The following ST8SIA6 variants were observed in gnomAD, a reference collection of about 807,000 sequenced individuals.
ST8SIA6 encodes the protein alpha-2,8-sialyltransferase 8F.
In ST8SIA6, 39 loss-of-function variants were observed where a neutral mutation model predicts 33.6. The ratio of observed to expected loss-of-function variants is 1.16; its 90% CI spans 0.90 to 1.52. ST8SIA6 has a LOEUF of 1.52. Ranked by LOEUF, ST8SIA6 falls within the 40% of genes most tolerant of loss-of-function variation. The probability of loss-of-function intolerance (pLI) is 0.00; values close to 1 mark genes in which losing one functional copy is unlikely to be tolerated. For synonymous variants in ST8SIA6, 172 were observed against 167.2 expected (o/e 1.03, Z -0.22); for missense variants, 441 against 443.8 (o/e 0.99, Z 0.06).
chr10:17,435,843 ATG>A (rs1852237880), intron 2 of ST8SIA6, among the ~76,000 whole-genome samples: 1 of 152,154 alleles, frequency 6.6e-6, no homozygotes, highest in Non-Finnish European at 1.5e-5. Context: ...TTAAAAGTTG[ATG>A]CACTTCAAAA....
intron 2 of ST8SIA6, among the ~76,000 whole-genome samples, chr10:17,417,561 A>T (rs1034880796): frequency 2.6e-5 from 4 of 151,640 alleles, no homozygotes; most frequent in Non-Finnish European, 4.4e-5. Flanking sequence ...TAGCACAGTG[A>T]GCTCCAGGAG....
chr10:17,452,099 T>C (rs752299531), intron 2 of ST8SIA6, among the ~76,000 whole-genome samples: 22 of 152,228 alleles, frequency 1.4e-4, no homozygotes, highest in Non-Finnish European at 2.9e-4. Flanking sequence ...AAAGATGGAA[T>C]GCTTCTCAGC....
chr10:17,394,906 C>T (rs77356020), intron 2 of ST8SIA6, among the ~76,000 whole-genome samples: 2 of 152,124 alleles, frequency 1.3e-5, no homozygotes, highest in African/African-American at 4.8e-5. Context: ...GGAACAACAT[C>T]GTGGCACAAG....
At chr10:17,435,508 A>G (rs4748376) in intron 2 of ST8SIA6, among the ~76,000 whole-genome samples, 54,371 of 152,036 alleles carry the variant, frequency 0.36, 12,958 homozygotes, top group African/African-American at 0.68. Flanking sequence ...ACATAATAAC[A>G]TTGTGGTGAG....
At chr10:17,453,809 G>A in intron 1 of ST8SIA6, 152 bp from the exon 2 acceptor site, 1 of 527,960 alleles carries the variant, frequency 1.9e-6, no homozygotes, top group Non-Finnish European at 2.9e-6. Flanking sequence ...AGAGCCTTAG[G>A]GCGGGAAGGA....
At chr10:17,422,300 T>G (rs1851804434) in intron 2 of ST8SIA6, among the ~76,000 whole-genome samples, 1 of 152,166 alleles carries the variant, frequency 6.6e-6, no homozygotes, top group African/African-American at 2.4e-5. Flanking sequence ...AAATAATGAA[T>G]TTATTCCCTG....
chr10:17,433,383 T>A (rs932259118), intron 2 of ST8SIA6, among the ~76,000 whole-genome samples: 1 of 152,204 alleles, frequency 6.6e-6, no homozygotes, highest in African/African-American at 2.4e-5. Context: ...AGATGTAAGA[T>A]AGAGCTTTAA....
chr10:17,329,203 T>C (rs1006284846), intron 5 of ST8SIA6, among the ~76,000 whole-genome samples: 3 of 152,212 alleles, frequency 2.0e-5, no homozygotes, highest in African/African-American at 7.2e-5. Context: ...AGAGGCACTA[T>C]TTCAAGTACA....
intron 3 of ST8SIA6, among the ~76,000 whole-genome samples, chr10:17,376,771 G>A (rs894192241): frequency 1.3e-5 from 2 of 152,036 alleles, no homozygotes; most frequent in Non-Finnish European, 2.9e-5. Context: ...TATTTTATCT[G>A]GGAGATAACC....
At chr10:17,413,059 C>G (rs1288202417) in intron 2 of ST8SIA6, among the ~76,000 whole-genome samples, 5 of 152,108 alleles carry the variant, frequency 3.3e-5, no homozygotes, top group African/African-American at 1.2e-4. Context: ...TATAAGAGAA[C>G]TAAGGAGAAT....
chr10:17,409,953 C>T (rs72778928), intron 2 of ST8SIA6: 6,380 of 152,228 alleles, frequency 0.042, 219 homozygotes, highest in Non-Finnish European at 0.061. Flanking sequence ...CAATGAAAAC[C>T]GGTCCAAGTC....
chr10:17,449,191 A>G (rs139900898), intron 2 of ST8SIA6, among the ~76,000 whole-genome samples: 1 of 152,064 alleles, frequency 6.6e-6, no homozygotes, highest in African/African-American at 2.4e-5. Context: ...TAACATAAAT[A>G]AATCAAGTAT....
Position 17,421,178 on chromosome 10 carries a change from G to A in ST8SIA6, c.201-30558C>T, listed in dbSNP as rs79144416. 1.4e-4 allele frequency among the ~76,000 whole-genome samples: 21 copies of A among 152,306 alleles called. No individual in the cohort carries two copies. In the East Asian group the frequency reaches 4.1e-3, roughly 29 times the overall value. ...CCACGTCATGACTGACTGATGCCTA[G>A]CCCCTTACCTGGGGTAGAACACAAC... On this transcript the variant is annotated intron_variant, in intron 2 of 7. Transcript: ENST00000377602.
At position 17,354,436 on chromosome 10, in the gene ST8SIA6, A is replaced by C. The variant is rs573145814; in HGVS notation, c.377+5078T>G. Among the ~76,000 whole-genome samples the C allele has an allele frequency of 4.6e-5, 7 of 152,254 alleles. 1 individual carries two copies. The East Asian group carries it at 1.2e-3, about 25-fold the overall frequency. ...GAAGGGGGTGGGGACCTCTTATAGG[A>C]GAATCAATCAAGCTTTTAAAAGCAG... is the stretch of plus-strand genomic sequence containing the variant. On this transcript the variant is annotated intron_variant, in intron 4 of 7. Coordinates refer to ENST00000377602, the MANE Select transcript of ST8SIA6 (RefSeq NM_001004470.3).
At chr10:17,383,856 A>C (rs1052372887) in intron 3 of ST8SIA6, among the ~76,000 whole-genome samples, 2 of 152,320 alleles carry the variant, frequency 1.3e-5, no homozygotes, top group African/African-American at 4.8e-5. Context: ...TCAGACTCTT[A>C]AAACATTTCT....
At chr10:17,370,221 G>C (rs1235529790) in intron 3 of ST8SIA6, among the ~76,000 whole-genome samples, 1 of 152,126 alleles carries the variant, frequency 6.6e-6, no homozygotes, top group Non-Finnish European at 1.5e-5. Flanking sequence ...CTGACCTCGT[G>C]ATCCGTCCGT....
Position 17,387,556 on chromosome 10 carries a change from C to T in ST8SIA6, c.290+2975G>A, listed in dbSNP as rs191007837. 5.4e-3 allele frequency among the ~76,000 whole-genome samples: 826 copies of T among 152,112 alleles called. 3 individuals are homozygous for T. The highest frequency in any genetic ancestry group is 0.013 in the Admixed American group (195 of 15,280). ...TGCTAGGATTACAGGTGTGAGCCAC[C>T]GCGCCGGGCCCAGAAAACTAGGATT... On this transcript the variant is annotated intron_variant, in intron 3 of 7. Coordinates refer to ENST00000377602, the MANE Select transcript of ST8SIA6 (RefSeq NM_001004470.3).
chr10:17,381,843 G>A (rs1850162337), intron 3 of ST8SIA6, among the ~76,000 whole-genome samples: 2 of 152,162 alleles, frequency 1.3e-5, no homozygotes, highest in Admixed American at 1.3e-4. Context: ...CTAATCCTGT[G>A]GCTTTAGGCA....
At chr10:17,379,312 A>T (rs1177855293) in intron 3 of ST8SIA6, among the ~76,000 whole-genome samples, 1,662 of 151,574 alleles carry the variant, frequency 0.011, 31 homozygotes, top group African/African-American at 0.038. Context: ...TGAGAGAGAA[A>T]GAGTAAGAAT....
Sources: allele counts gnomAD v4.1 joint callset (sites outside exome capture counted in the v4.1 genomes callset), GRCh38; gene constraint gnomAD v4.1.1; transcripts MANE v1.5; gene names NCBI Gene and HGNC (gene_info 2026-07-23, HGNC 2026-07-21).